ZBTB10: variants seen among roughly 807,000 people sequenced by gnomAD.
ZBTB10 encodes zinc finger and BTB domain-containing protein 10.
In ZBTB10, 32 loss-of-function variants were observed where a neutral mutation model predicts 76.4. That is an observed-to-expected ratio of 0.42 (90% CI 0.32 to 0.56). The LOEUF (loss-of-function observed/expected upper bound fraction) is 0.56, where lower values mean the gene tolerates loss of function less well. Ranked by LOEUF, ZBTB10 falls within the 20% of genes least tolerant of loss-of-function variation. The pLI, the probability that ZBTB10 is intolerant of heterozygous loss-of-function variation, is 0.14. For synonymous variants in ZBTB10, 523 were observed against 432.9 expected (o/e 1.21, Z -2.58); for missense variants, 1,057 against 1,098.5 (o/e 0.96, Z 0.53).
rs1042562461 is a variant in ZBTB10 at position 80,524,764 on chromosome 8, AC to A, written c.*5238del. The stretch of plus-strand genomic sequence containing the variant: ...ATGTTTCTAAGGGGTCATGATTGGG[AC>A]CATTGGCTCAAGATTGAAAATCGGT... On this transcript the variant is annotated 3_prime_UTR_variant, in exon 6 of 6. Coordinates refer to ENST00000455036, the MANE Select transcript of ZBTB10 (RefSeq NM_001105539.3). 4 of 152,100 alleles carry A rather than the reference AC, an allele frequency of 2.6e-5. No individual in the cohort carries two copies. Among genetic ancestry groups the A allele is most frequent in the African/African-American group, 9.7e-5 (4 of 41,450 alleles). The allele number at this position is 152,100 out of a possible 1,614,324, so 9.4% of individuals were successfully genotyped here.
In ZBTB10 at chr8:80,518,818, C is replaced by T; in HGVS notation, c.2174C>T (p.Pro725Leu). ...CTAATCATGAACAAGTTAAAATGCC[C>T]TCATTGTAGCTATGTAGCCAAATAC... is the stretch of plus-strand genomic sequence containing the variant. ...SSLIMNKLKCPHCSYVAKYRR... is the reference protein window; with the variant it reads ...SSLIMNKLKCLHCSYVAKYRR... Residue 725 changes from proline (P) to leucine (L), a missense_variant, in exon 5 of 6, where the codon CCT becomes CTT. Physicochemically the swap from Pro to Leu is moderately conservative, Grantham distance 98 (BLOSUM62 -3). Coordinates refer to ENST00000455036, the MANE Select transcript of ZBTB10 (RefSeq NM_001105539.3). The T allele has an allele frequency of 2.5e-6, 4 of 1,612,476 alleles. No individual in the cohort carries two copies. The highest frequency in any genetic ancestry group is 3.4e-6 in the Non-Finnish European group (4 of 1,179,348).
At position 80,519,318 on chromosome 8, in the gene ZBTB10, T is replaced by C. The variant is rs773982147; in HGVS notation, c.2406T>C (p.Tyr802=). ...GAATAAGACATGGATCTCGACGTTATGGTGTTTGTGTAGACTGTGCAGATA... is the reference window on the plus strand; with the variant it reads ...GAATAAGACATGGATCTCGACGTTACGGTGTTTGTGTAGACTGTGCAGATA... The part of the protein sequence containing the change: ...SVGIRHGSRR[Y]GVCVDCADKS... Residue 802 remains tyrosine, a synonymous_variant, in exon 6 of 6, where the codon TAT becomes TAC. Coordinates refer to ENST00000455036, the MANE Select transcript of ZBTB10 (RefSeq NM_001105539.3). 20 of 1,613,648 alleles carry C rather than the reference T, an allele frequency of 1.2e-5. No individual in the cohort carries two copies. The highest frequency in any genetic ancestry group is 5.0e-5 in the Admixed American group (3 of 59,934).
chr8:80,524,670 CATT>C lies in ZBTB10; in HGVS notation c.*5145_*5147del, dbSNP rs1816515301. 1 of 152,036 alleles carries C rather than the reference CATT, an allele frequency of 6.6e-6. No individual in the cohort carries two copies. The highest frequency in any genetic ancestry group is 1.5e-5 in the Non-Finnish European group (1 of 67,958). The allele number at this position is 152,036 out of a possible 1,614,324, so 9.4% of individuals were successfully genotyped here. A position where few individuals can be genotyped will look rare whatever the true frequency, so the allele number is the denominator to read the frequency against. ...GCACAATAAAGGGGAGCCCACATAG[CATT>C]ATAATGCCTAGTATCTTTAAACATG... On this transcript the variant is annotated 3_prime_UTR_variant, in exon 6 of 6. Coordinates refer to ENST00000455036, the MANE Select transcript of ZBTB10 (RefSeq NM_001105539.3).
At chr8:80,512,809 TGTCA>T (rs1286727773) in intron 2 of ZBTB10, among the ~76,000 whole-genome samples, 1 of 152,148 alleles carries the variant, frequency 6.6e-6, no homozygotes, top group Non-Finnish European at 1.5e-5. Context: ...TCAAAAAGAT[TGTCA>T]GTATTTTTTC....
intron 1 of ZBTB10, among the ~76,000 whole-genome samples, chr8:80,498,512 A>G (rs1227327003): frequency 6.6e-6 from 1 of 152,344 alleles, no homozygotes; most frequent in South Asian, 2.1e-4. Context: ...TGTGGCAGGC[A>G]CTAATCAAAG....
chr8:80,511,960 G>T (rs1414168591), intron 2 of ZBTB10, among the ~76,000 whole-genome samples: 2 of 151,770 alleles, frequency 1.3e-5, no homozygotes, highest in African/African-American at 4.8e-5. Flanking sequence ...ATAAATACTA[G>T]GAAAATACCT....
intron 2 of ZBTB10, among the ~76,000 whole-genome samples, chr8:80,503,592 A>G (rs1351762281): frequency 2.0e-5 from 3 of 152,102 alleles, no homozygotes; most frequent in Non-Finnish European, 4.4e-5. Flanking sequence ...ATTTTGGCTC[A>G]CTGAAACCTC....
Position 80,521,431 on chromosome 8 carries a change from A to T in ZBTB10, c.*1903A>T, listed in dbSNP as rs1393469873. 1 of 151,818 alleles carries T rather than the reference A, an allele frequency of 6.6e-6. No individual in the cohort carries two copies. Among genetic ancestry groups the T allele is most frequent in the Non-Finnish European group, 1.5e-5 (1 of 67,754 alleles). The allele number at this position is 151,818 out of a possible 1,614,324, so 9.4% of individuals were successfully genotyped here. A position where few individuals can be genotyped will look rare whatever the true frequency, so the allele number is the denominator to read the frequency against. Reference sequence around the variant, plus strand: ...TAAACGTAAAATGTTCTTTGTGAATATGTAAGTATAGTATAAAGATTTCTT... The same window carrying T: ...TAAACGTAAAATGTTCTTTGTGAATTTGTAAGTATAGTATAAAGATTTCTT... On this transcript the variant is annotated 3_prime_UTR_variant, in exon 6 of 6. Coordinates refer to ENST00000455036, the MANE Select transcript of ZBTB10 (RefSeq NM_001105539.3).
chr8:80,492,756 C>T (rs1014063293), intron 1 of ZBTB10, among the ~76,000 whole-genome samples: 2 of 151,982 alleles, frequency 1.3e-5, no homozygotes, highest in Non-Finnish European at 2.9e-5. Flanking sequence ...GGATTACAGG[C>T]GTGAGTCACG....
intron 1 of ZBTB10, 114 bp downstream of exon 1, chr8:80,487,896 A>T (rs1815521525): frequency 3.3e-6 from 4 of 1,223,572 alleles, no homozygotes; most frequent in Non-Finnish European, 4.4e-6. Context: ...TTCCTGGGTG[A>T]AGACATCGTT....
At chr8:80,518,024 A>G (rs1382396810) in intron 3 of ZBTB10, among the ~76,000 whole-genome samples, 1 of 151,542 alleles carries the variant, frequency 6.6e-6, no homozygotes, top group Admixed American at 6.6e-5. Context: ...ATGCCCAGCT[A>G]ATTTTTAAAA....
At chr8:80,501,715 A>G (rs888663884) in intron 2 of ZBTB10, among the ~76,000 whole-genome samples, 1 of 152,130 alleles carries the variant, frequency 6.6e-6, no homozygotes, top group Admixed American at 6.6e-5. Context: ...TGTGTGAAAA[A>G]TCAAGTGTGT....
At chr8:80,503,163 T>C (rs1485982486) in intron 2 of ZBTB10, among the ~76,000 whole-genome samples, 1 of 152,250 alleles carries the variant, frequency 6.6e-6, no homozygotes, top group Non-Finnish European at 1.5e-5. Context: ...AATTAAGCTC[T>C]TGTCCTCAGT....
In ZBTB10 at chr8:80,487,746, C is replaced by T; in HGVS notation, c.936C>T (p.Val312=). 3.1e-6 allele frequency: 5 copies of T among 1,608,888 alleles called. No individual in the cohort carries two copies. Among genetic ancestry groups the T allele is most frequent in the Non-Finnish European group, 4.2e-6 (5 of 1,177,556 alleles). The change falls in exon 1 of 6, where the codon GTC becomes GTT. Residue 312 remains valine (V), a synonymous_variant. Coordinates refer to ENST00000455036, the MANE Select transcript of ZBTB10 (RefSeq NM_001105539.3). ...AAACCCTCCTCCTGAGGCACCACGTCTCTACCGAGCACAAACTCCACGAAG... is the reference window on the plus strand; with the variant it reads ...AAACCCTCCTCCTGAGGCACCACGTTTCTACCGAGCACAAACTCCACGAAG... The part of the protein sequence containing the change: ...YKKTLLLRHH[V]STEHKLHEAN...
intron 2 of ZBTB10, among the ~76,000 whole-genome samples, chr8:80,504,704 C>G (rs2131498028): frequency 6.6e-6 from 1 of 152,238 alleles, no homozygotes; most frequent in East Asian, 1.9e-4. Flanking sequence ...AAACTAAAAT[C>G]TGGGTAATCA....
intron 2 of ZBTB10, among the ~76,000 whole-genome samples, chr8:80,508,251 TC>T (rs1359320179): frequency 2.0e-5 from 3 of 152,198 alleles, no homozygotes; most frequent in African/African-American, 7.2e-5. Context: ...TAAATGCCAG[TC>T]CCTGAAAGTT....
intron 2 of ZBTB10, among the ~76,000 whole-genome samples, chr8:80,508,479 A>G (rs1209943340): frequency 6.6e-6 from 1 of 152,254 alleles, no homozygotes; most frequent in Non-Finnish European, 1.5e-5. Flanking sequence ...AAGATTGAGG[A>G]GTCCCTTATG....
In ZBTB10 at chr8:80,487,077, G is replaced by A; in HGVS notation, c.267G>A (p.Glu89=). 2.6e-6 allele frequency: 4 copies of A among 1,516,586 alleles called. No homozygotes were observed. The highest frequency in any genetic ancestry group is 3.5e-6 in the Non-Finnish European group (4 of 1,138,868). 93.9% of individuals were successfully genotyped at this position (1,516,586 alleles called of 1,614,324 possible). A position where few individuals can be genotyped will look rare whatever the true frequency, so the allele number is the denominator to read the frequency against. The change falls in exon 1 of 6, where the codon GAG becomes GAA. Residue 89 remains glutamate (E), a synonymous_variant. Coordinates refer to ENST00000455036, the MANE Select transcript of ZBTB10 (RefSeq NM_001105539.3). ...CCGGGCCGGCCGCCGGCGCCGCCGA[G>A]GAAGCCAAGGAGTTGCTGCTCCCCC... ...ASAGPAAGAA[E]EAKELLLPQD...
chr8:80,499,337 T>A (rs1445011996), intron 1 of ZBTB10, among the ~76,000 whole-genome samples, 157 bp from the exon 2 acceptor site: 1 of 152,208 alleles, frequency 6.6e-6, no homozygotes, highest in Non-Finnish European at 1.5e-5. Context: ...ATAATAGCAG[T>A]GGGTTGCACC....
Sources: gnomAD v4.1 joint callset for allele counts (sites outside exome capture counted in the v4.1 genomes callset) on GRCh38, gnomAD v4.1.1 for gene constraint, MANE v1.5 for transcripts, NCBI Gene and HGNC (gene_info 2026-07-23, HGNC 2026-07-21) for gene names.